Variants in EPB41L4B observed in about 807,000 individuals in gnomAD.
The protein encoded by EPB41L4B is erythrocyte membrane protein band 4.1 like 4B.
A neutral mutation model predicts 112.5 loss-of-function variants in EPB41L4B; 30 were observed. That is an observed-to-expected ratio of 0.27 (90% CI 0.20 to 0.36). EPB41L4B has a LOEUF of 0.36. Ranked by LOEUF, EPB41L4B falls within the 10% of genes least tolerant of loss-of-function variation. The pLI, the probability that EPB41L4B is intolerant of heterozygous loss-of-function variation, is 1.00. For synonymous variants in EPB41L4B, 408 were observed against 439.7 expected (o/e 0.93, Z 0.90); for missense variants, 1,024 against 1,133.3 (o/e 0.90, Z 1.38).
At chr9:109,297,431 C>A (rs1350338755) in intron 1 of EPB41L4B, among the ~76,000 whole-genome samples, 1 of 152,228 alleles carries the variant, frequency 6.6e-6, no homozygotes, top group African/African-American at 2.4e-5. Context: ...CTACTTACAA[C>A]CAGCATGACC....
chr9:109,213,892 G>T, intron 16 of EPB41L4B, 74 bp from the exon 17 acceptor site: 3 of 1,346,684 alleles, frequency 2.2e-6, no homozygotes, highest in Non-Finnish European at 3.2e-6. Context: ...AGGGACACTT[G>T]CCAGCGCCCG....
intron 17 of EPB41L4B, among the ~76,000 whole-genome samples, chr9:109,210,752 C>G (rs1336143013): frequency 1.3e-5 from 2 of 152,136 alleles, no homozygotes; most frequent in Non-Finnish European, 2.9e-5. Context: ...ATCTGGGTTC[C>G]AAGACCGTAT....
chr9:109,309,057 G>C (rs999665540), intron 1 of EPB41L4B, among the ~76,000 whole-genome samples: 1 of 151,954 alleles, frequency 6.6e-6, no homozygotes, highest in Non-Finnish European at 1.5e-5. Flanking sequence ...CCTAGGTGAC[G>C]AAGCGAGATT....
intron 11 of EPB41L4B, among the ~76,000 whole-genome samples, chr9:109,254,543 C>T (rs1834911710): frequency 6.6e-6 from 1 of 152,092 alleles, no homozygotes; most frequent in Admixed American, 6.5e-5. Flanking sequence ...GGTTATGAAA[C>T]CATGTGAAGT....
At chr9:109,278,147 G>A (rs974639666) in intron 2 of EPB41L4B, among the ~76,000 whole-genome samples, 2 of 152,168 alleles carry the variant, frequency 1.3e-5, no homozygotes, top group African/African-American at 4.8e-5. Context: ...TGGACTCAGA[G>A]GTGGAAAGAG....
At chr9:109,225,953 G>A (rs890170112) in intron 15 of EPB41L4B, among the ~76,000 whole-genome samples, 2 of 152,190 alleles carry the variant, frequency 1.3e-5, no homozygotes, top group Non-Finnish European at 2.9e-5. Context: ...TTCACAATTC[G>A]ATTATGAACT....
chr9:109,262,775 T>C (rs535844751), intron 6 of EPB41L4B, among the ~76,000 whole-genome samples: 1 of 152,326 alleles, frequency 6.6e-6, no homozygotes, highest in South Asian at 2.1e-4. Context: ...TGCACTTTTG[T>C]GCCTTGGTTC....
At chr9:109,278,781 T>G (rs1183919307) in intron 2 of EPB41L4B, among the ~76,000 whole-genome samples, 1 of 152,198 alleles carries the variant, frequency 6.6e-6, no homozygotes, top group Non-Finnish European at 1.5e-5. Flanking sequence ...CAGGGCCCAG[T>G]GCATAATGGG....
chr9:109,252,062 G>C (rs1055923669), intron 12 of EPB41L4B, among the ~76,000 whole-genome samples: 7 of 152,170 alleles, frequency 4.6e-5, no homozygotes, highest in African/African-American at 1.7e-4. Flanking sequence ...TGAAATAAGG[G>C]AGAGAAAAGA....
At chr9:109,258,346 A>G in intron 6 of EPB41L4B, 49 bp from the exon 7 acceptor site, 9 of 1,594,432 alleles carry the variant, frequency 5.6e-6, no homozygotes, top group Non-Finnish European at 7.7e-6. Flanking sequence ...GAATGATTTC[A>G]GTTATTGCTG....
intron 15 of EPB41L4B, chr9:109,241,128 CA>C: frequency 1.0e-6 from 1 of 985,778 alleles, no homozygotes; most frequent in Non-Finnish European, 1.2e-6. Context: ...TCAACCTAAA[CA>C]AAATGAAATG....
intron 24 of EPB41L4B, among the ~76,000 whole-genome samples, chr9:109,177,494 G>C (rs998239111): frequency 3.3e-5 from 5 of 152,080 alleles, no homozygotes; most frequent in African/African-American, 1.2e-4. Flanking sequence ...AAACTATTCT[G>C]TTTACTTGTA....
chr9:109,308,342 G>A (rs567115184), intron 1 of EPB41L4B, among the ~76,000 whole-genome samples: 27 of 152,080 alleles, frequency 1.8e-4, no homozygotes, highest in Non-Finnish European at 2.2e-4. Flanking sequence ...GACCATTCCC[G>A]GTACTAACTG....
chr9:109,316,603 C>CG (rs1330850671), intron 1 of EPB41L4B, among the ~76,000 whole-genome samples: 1 of 152,138 alleles, frequency 6.6e-6, no homozygotes, highest in Non-Finnish European at 1.5e-5. Flanking sequence ...GAGGTGCTGT[C>CG]GAAGGCAGGG....
intron 22 of EPB41L4B, among the ~76,000 whole-genome samples, chr9:109,188,349 C>G (rs547902186): frequency 2.0e-5 from 3 of 152,074 alleles, no homozygotes; most frequent in Non-Finnish European, 4.4e-5. Flanking sequence ...CCCTGCCAAC[C>G]CCCTCAGGTA....
In EPB41L4B at chr9:109,313,399, CAGA is replaced by C. The variant is rs199920456; in HGVS notation, c.306+6739_306+6741del. On this transcript the variant is annotated intron_variant, in intron 1 of 25. Transcript: ENST00000374566. The stretch of plus-strand genomic sequence containing the variant: ...CTCTAGAGAGAGGCCACAGAGGCTG[CAGA>C]AGGAGTGAGATTAGAGGGATTAGGG... Among the ~76,000 whole-genome samples, 1,318 of 152,286 alleles carry C rather than the reference CAGA, an allele frequency of 8.7e-3. 29 individuals carry two copies. Among genetic ancestry groups the C allele is most frequent in the African/African-American group, 0.031 (1,272 of 41,542 alleles).
chr9:109,258,910 G>C (rs1835090826), intron 6 of EPB41L4B, among the ~76,000 whole-genome samples: 1 of 152,116 alleles, frequency 6.6e-6, no homozygotes, highest in Admixed American at 6.5e-5. Flanking sequence ...CGAGTGATCC[G>C]AGCAAGAAGC....
chr9:109,308,811 C>T (rs1250576435), intron 1 of EPB41L4B, among the ~76,000 whole-genome samples: 3 of 152,170 alleles, frequency 2.0e-5, no homozygotes, highest in African/African-American at 7.2e-5. Context: ...GGCACGGAGA[C>T]TCATGCCTGT....
intron 7 of EPB41L4B, among the ~76,000 whole-genome samples, chr9:109,257,324 C>T (rs1040849966): frequency 9.2e-5 from 14 of 151,848 alleles, no homozygotes; most frequent in African/African-American, 9.7e-5. Context: ...CTAGGAAACC[C>T]GTGAGTGAGG....
Sources: gnomAD v4.1 joint callset for allele counts (sites outside exome capture counted in the v4.1 genomes callset) on GRCh38, gnomAD v4.1.1 for gene constraint, MANE v1.5 for transcripts, NCBI Gene and HGNC (gene_info 2026-07-23, HGNC 2026-07-21) for gene names.